DNAH12: variants seen among roughly 807,000 people sequenced by gnomAD.
DNAH12 encodes the protein axonemal beta dynein heavy chain 12.
A neutral mutation model predicts 371.5 loss-of-function variants in DNAH12; 285 were observed. The observed-to-expected ratio is 0.77, with a 90% CI of 0.70 to 0.85. DNAH12 has a LOEUF of 0.85. DNAH12 is among the 40% of genes least tolerant of loss of function. The pLI is 0.00. For synonymous variants in DNAH12, 1,200 were observed against 1,213.0 expected, an observed-to-expected ratio of 0.99 and a Z score of 0.22; for missense variants, 3,611 against 3,689.4, an observed-to-expected ratio of 0.98 and a Z score of 0.55.
intron 12 of DNAH12, among the ~76,000 whole-genome samples, chr3:57,485,327 C>A (rs999672966): frequency 2.6e-5 from 4 of 152,152 alleles, no homozygotes; most frequent in African/African-American, 9.7e-5. Context: ...TATATAGACA[C>A]CACGGAATAC....
At chr3:57,378,454 T>A (rs2063326055) in intron 52 of DNAH12, among the ~76,000 whole-genome samples, 1 of 152,224 alleles carries the variant, frequency 6.6e-6, no homozygotes, top group South Asian at 2.1e-4. Context: ...CATGTACATA[T>A]ATCATTTAGG....
intron 60 of DNAH12, among the ~76,000 whole-genome samples, chr3:57,348,232 C>T (rs2062589639): frequency 6.6e-6 from 1 of 152,082 alleles, no homozygotes; most frequent in African/African-American, 2.4e-5. Context: ...AACCTTACTA[C>T]TAAGAGAAAA....
chr3:57,463,272 T>C (rs1314099427), intron 17 of DNAH12, among the ~76,000 whole-genome samples: 1 of 147,898 alleles, frequency 6.8e-6, no homozygotes, highest in Non-Finnish European at 1.5e-5. Flanking sequence ...AGGACTTGTC[T>C]CTATTTAGAA....
intron 16 of DNAH12, 85 bp downstream of exon 16, chr3:57,470,358 C>T (rs2066330648): frequency 3.1e-6 from 4 of 1,310,670 alleles, no homozygotes; most frequent in Non-Finnish European, 4.0e-6. Flanking sequence ...TACTTTTAAA[C>T]ACTTAACCAA....
intron 42 of DNAH12, among the ~76,000 whole-genome samples, chr3:57,403,818 C>T (rs2063943908): frequency 6.6e-6 from 1 of 152,080 alleles, no homozygotes; most frequent in Non-Finnish European, 1.5e-5. Context: ...TCTTCAGTCT[C>T]TTAAGATTTC....
the DNAH12 span, among the ~76,000 whole-genome samples, chr3:57,554,191 G>A: frequency 7.5e-6 from 1 of 133,772 alleles, no homozygotes; most frequent in Non-Finnish European, 1.5e-5. Context: ...GGAGGCTGAG[G>A]CATGAGAATC....
chr3:57,477,371 TG>T (rs1466322829), intron 13 of DNAH12, among the ~76,000 whole-genome samples: 2 of 151,918 alleles, frequency 1.3e-5, no homozygotes, highest in Non-Finnish European at 2.9e-5. Context: ...GCAGAGAGGC[TG>T]GGGGAGGGGC....
At chr3:57,498,401 C>G in intron 11 of DNAH12, 2 of 686,864 alleles carry the variant, frequency 2.9e-6, no homozygotes, top group Non-Finnish European at 5.3e-6. Flanking sequence ...ACTGCAGACT[C>G]GAACTCCTAG....
At chr3:57,370,082 G>A (rs1308720946) in intron 55 of DNAH12, among the ~76,000 whole-genome samples, 12 of 152,298 alleles carry the variant, frequency 7.9e-5, no homozygotes, top group African/African-American at 2.6e-4. Flanking sequence ...GCAGTCTGAA[G>A]AAAGCAGCAT....
In DNAH12 at chr3:57,415,584, A is replaced by G. The variant is rs1319472450; in HGVS notation, c.5715-20T>C. The G allele has an allele frequency of 2.6e-6, 4 of 1,513,356 alleles. No homozygotes were observed. The highest frequency in any genetic ancestry group is 5.2e-5 in the Admixed American group (2 of 38,118). The allele number at this position is 1,513,356 out of a possible 1,614,324, so 93.7% of individuals were successfully genotyped here. On this transcript the variant is annotated intron_variant, in intron 37 of 73. Coordinates refer to ENST00000495027, the MANE Select transcript of DNAH12 (RefSeq NM_001366028.2). ...AGTGGCCTTAATGAAAACAATGAAT[A>G]TATTATTCAAAATGGAAAAAAAGTC...
At chr3:57,395,870 T>C (rs937507280) in intron 43 of DNAH12, among the ~76,000 whole-genome samples, 6 of 151,734 alleles carry the variant, frequency 4.0e-5, no homozygotes, top group African/African-American at 9.7e-5. Flanking sequence ...GGTGGGAGGA[T>C]TGCTTGAGCC....
At chr3:57,556,015 G>A in the DNAH12 span, among the ~76,000 whole-genome samples, 1 of 152,228 alleles carries the variant, frequency 6.6e-6, no homozygotes, top group Non-Finnish European at 1.5e-5. The surrounding 1 kb of genome is among the most constrained non-coding windows in gnomAD (Gnocchi z 5.0). Flanking sequence ...CTCCTCCAAC[G>A]AAGCGGAACA....
Position 57,309,234 on chromosome 3 carries a change from A to G in DNAH12, c.11106T>C (p.Ile3702=), listed in dbSNP as rs912579378. ...CAGGATACTTCCGTAGTGCCATTTC[A>G]ATGTCGAAATCACTAGGGAGCTAAA... ...ILNKLPSDFD[I]EMALRKYPVR... The change falls in exon 69 of 74, where the codon ATT becomes ATC. Residue 3702 remains isoleucine (I), a synonymous_variant. Coordinates refer to ENST00000495027, the MANE Select transcript of DNAH12 (RefSeq NM_001366028.2). The G allele has an allele frequency of 3.2e-6, 5 of 1,549,500 alleles. No homozygotes were observed. Among genetic ancestry groups the G allele is most frequent in the African/African-American group, 1.4e-5 (1 of 72,936 alleles).
rs550307516 is a variant in DNAH12 at position 57,480,498 on chromosome 3, A to G, written c.1650+2878T>C. Among the ~76,000 whole-genome samples the G allele has an allele frequency of 2.2e-3, 335 of 151,252 alleles. 2 individuals are homozygous for G. Among genetic ancestry groups the G allele is most frequent in the Non-Finnish European group, 3.6e-3 (241 of 67,848 alleles). ...GCCGAATTCTACCAGAGGTACAAGGAGGAGCTGGTACCATTCCTTCTGAAA... is the reference window on the plus strand; with the variant it reads ...GCCGAATTCTACCAGAGGTACAAGGGGGAGCTGGTACCATTCCTTCTGAAA... On this transcript the variant is annotated intron_variant, in intron 13 of 73. Coordinates refer to ENST00000495027, the MANE Select transcript of DNAH12 (RefSeq NM_001366028.2).
At chr3:57,506,139 T>G (rs560667445) in intron 8 of DNAH12, among the ~76,000 whole-genome samples, 1 of 152,240 alleles carries the variant, frequency 6.6e-6, no homozygotes, top group South Asian at 2.1e-4. Flanking sequence ...GTACAGAAAA[T>G]GTTCCAGAAG....
rs1483064756 is a variant in DNAH12, at chr3:57,371,481, A to C, written c.8760-3221T>G. Among the ~76,000 whole-genome samples, 3 of 152,194 alleles carry C rather than the reference A, an allele frequency of 2.0e-5. No homozygotes were observed. In the East Asian group the frequency reaches 5.8e-4, roughly 29 times the overall value. Reference sequence around the variant, plus strand: ...CCGAATTGTACAATTTAAAAGGGTAAATTTTATGGTACATGAATTATATAT... The same window carrying C: ...CCGAATTGTACAATTTAAAAGGGTACATTTTATGGTACATGAATTATATAT... On this transcript the variant is annotated intron_variant, in intron 55 of 73. Coordinates refer to ENST00000495027, the MANE Select transcript of DNAH12 (RefSeq NM_001366028.2).
At chr3:57,397,604 C>T (rs1201863309) in intron 43 of DNAH12, among the ~76,000 whole-genome samples, 3 of 152,176 alleles carry the variant, frequency 2.0e-5, no homozygotes, top group African/African-American at 7.2e-5. Flanking sequence ...GTTCTACTGG[C>T]AGGCACCAGG....
chr3:57,542,246 TTAAG>T (rs1014589758), intron 2 of DNAH12, among the ~76,000 whole-genome samples: 1 of 152,042 alleles, frequency 6.6e-6, no homozygotes, highest in Non-Finnish European at 1.5e-5. Flanking sequence ...AGATATTTTA[TTAAG>T]TATTTGTTCA....
intron 70 of DNAH12, among the ~76,000 whole-genome samples, chr3:57,299,378 G>C (rs989386218): frequency 6.6e-6 from 1 of 152,088 alleles, no homozygotes; most frequent in African/African-American, 2.4e-5. Context: ...TATTATTTCT[G>C]TCATTTTACA....
Sources: allele counts gnomAD v4.1 joint callset (sites outside exome capture counted in the v4.1 genomes callset), GRCh38; gene constraint gnomAD v4.1.1; non-coding constraint Gnocchi (gnomAD v3.1); transcripts MANE v1.5; gene names NCBI Gene and HGNC (gene_info 2026-07-23, HGNC 2026-07-21).